The following GPR160 variants were observed in gnomAD, a reference collection of about 807,000 sequenced individuals.
GPR160 encodes G protein-coupled receptor 160.
Under a neutral mutation model 2.6 loss-of-function variants are expected in GPR160, and 2 were observed. The observed-to-expected ratio is 0.77, with a 90% confidence interval of 0.32 to 2.44. The LOEUF is 2.44. Ranked by LOEUF, GPR160 falls within the 30% of genes most tolerant of loss-of-function variation. GPR160 has a pLI of 0.11. For synonymous variants in GPR160, 130 were observed against 132.2 expected, an observed-to-expected ratio of 0.98 and a Z score of 0.12; for missense variants, 351 against 383.6, an observed-to-expected ratio of 0.91 and a Z score of 0.71.
chr3:170,074,464 T>C (rs1218815266), intron 2 of GPR160, among the ~76,000 whole-genome samples: 2 of 152,056 alleles, frequency 1.3e-5, no homozygotes, highest in Admixed American at 1.3e-4. Flanking sequence ...TTGTTGTTTT[T>C]GTTTTGATTG....
intron 2 of GPR160, among the ~76,000 whole-genome samples, chr3:170,074,216 T>A (rs1316407640): frequency 2.0e-5 from 3 of 151,938 alleles, no homozygotes; most frequent in Non-Finnish European, 4.4e-5. Context: ...TATTTAGGGA[T>A]CTTTTGGACG....
chr3:170,076,208 A>G (rs932586946), intron 2 of GPR160, among the ~76,000 whole-genome samples: 20 of 152,190 alleles, frequency 1.3e-4, no homozygotes, highest in African/African-American at 4.3e-4. Context: ...TGTAATACAC[A>G]TCTGTCACCC....
At chr3:170,075,160 G>A (rs1272550055) in intron 2 of GPR160, among the ~76,000 whole-genome samples, 1 of 152,140 alleles carries the variant, frequency 6.6e-6, no homozygotes, top group African/African-American at 2.4e-5. Flanking sequence ...CCCAAGAGGC[G>A]GAGGTTACAG....
intron 2 of GPR160, among the ~76,000 whole-genome samples, chr3:170,052,358 A>G (rs1716995695): frequency 6.6e-6 from 1 of 152,226 alleles, no homozygotes; most frequent in Non-Finnish European, 1.5e-5. Flanking sequence ...AGCGTATAGG[A>G]GTTCTCGTTA....
intron 2 of GPR160, among the ~76,000 whole-genome samples, chr3:170,071,261 G>A (rs1489556510): frequency 1.3e-5 from 2 of 152,128 alleles, no homozygotes; most frequent in Non-Finnish European, 2.9e-5. Flanking sequence ...CCTCATGAAC[G>A]GCTTGGCACC....
chr3:170,068,720 A>G (rs951048532), intron 2 of GPR160, among the ~76,000 whole-genome samples: 1 of 152,118 alleles, frequency 6.6e-6, no homozygotes, highest in Non-Finnish European at 1.5e-5. Flanking sequence ...TATGGATGCA[A>G]TATTTTCTCC....
chr3:170,069,331 C>G (rs1712483337), intron 2 of GPR160, among the ~76,000 whole-genome samples: 2 of 152,182 alleles, frequency 1.3e-5, no homozygotes, highest in Admixed American at 6.5e-5. Flanking sequence ...TTTTGAGGGT[C>G]CTGAGGTATA....
At position 170,085,133 on chromosome 3, in the gene GPR160, A is replaced by G. The variant is rs1713365726; in HGVS notation, c.*144A>G. On this transcript the variant is annotated 3_prime_UTR_variant, in exon 4 of 4. Transcript: ENST00000355897. Reference sequence around the variant, plus strand: ...TTCAGAATGTGTCTTTTGAAGGGCTATGATACCAGTTATTAAATAGTGTTT... The same window carrying G: ...TTCAGAATGTGTCTTTTGAAGGGCTGTGATACCAGTTATTAAATAGTGTTT... 2.2e-6 allele frequency: 1 copy of G among 455,282 alleles called. No homozygotes were observed. The highest frequency in any genetic ancestry group is 4.0e-6 in the Non-Finnish European group (1 of 250,114). The allele number at this position is 455,282 out of a possible 1,614,324, so 28.2% of individuals were successfully genotyped here.
chr3:170,084,911 C>A lies in GPR160; in HGVS notation c.939C>A (p.Asn313Lys). ...GATTACCTTTGGATCCATTTGTCAA[C>A]TGGAAGTGCTGCTTCATTCCACTTA... ...DIGLPLDPFV[N>K]WKCCFIPLTI... Residue 313 changes from asparagine (N) to lysine (K), a missense_variant, in exon 4 of 4, where the codon AAC becomes AAA. Asn to Lys is a moderately conservative substitution (Grantham distance 94). Transcript: ENST00000355897. The A allele has an allele frequency of 6.2e-7, 1 of 1,602,632 alleles. No individual in the cohort carries two copies. Among genetic ancestry groups the A allele is most frequent in the Non-Finnish European group, 8.5e-7 (1 of 1,170,682 alleles).
At chr3:170,083,207 T>C (rs1238487097) in intron 3 of GPR160, among the ~76,000 whole-genome samples, 1 of 152,090 alleles carries the variant, frequency 6.6e-6, no homozygotes, top group Non-Finnish European at 1.5e-5. Context: ...CCTATTCCTT[T>C]GCCTTTACCT....
At chr3:170,044,044 G>A (rs1322143575) in intron 2 of GPR160, among the ~76,000 whole-genome samples, 1 of 151,614 alleles carries the variant, frequency 6.6e-6, no homozygotes, top group Non-Finnish European at 1.5e-5. Context: ...AATATAGGTT[G>A]AGAGGCTCTT....
At chr3:170,069,137 T>A (rs1047967614) in intron 2 of GPR160, among the ~76,000 whole-genome samples, 2 of 152,268 alleles carry the variant, frequency 1.3e-5, no homozygotes, top group Non-Finnish European at 2.9e-5. Flanking sequence ...AAGATTGTTT[T>A]ATCTTCCCCA....
chr3:170,073,441 G>A (rs568764850), intron 2 of GPR160, among the ~76,000 whole-genome samples: 96 of 152,194 alleles, frequency 6.3e-4, no homozygotes, highest in Non-Finnish European at 9.7e-4. Flanking sequence ...TTTTCATAGA[G>A]ACTTCTTATC....
chr3:170,039,023 A>G lies in GPR160; in HGVS notation c.-213A>G, dbSNP rs1716329428. The G allele has an allele frequency of 1.3e-5, 2 of 152,074 alleles. No homozygotes were observed. The highest frequency in any genetic ancestry group is 1.3e-4 in the Admixed American group (2 of 15,274). 9.4% of individuals were successfully genotyped at this position (152,074 alleles called of 1,614,324 possible). A position where few individuals can be genotyped will look rare whatever the true frequency, so the allele number is the denominator to read the frequency against. ...GAAGGAACCGCTCTCGCTTCGTCCT[A>G]CACTTGCGCAAATGTCTCCGGTAAG... On this transcript the variant is annotated 5_prime_UTR_variant, in exon 2 of 4. Transcript: ENST00000355897.
chr3:170,062,993 G>T lies in GPR160; in HGVS notation c.-192-16781G>T, dbSNP rs561617484. The T allele has an allele frequency of 2.2e-3, 506 of 229,248 alleles. 1 individual carries two copies. The highest frequency in any genetic ancestry group is 1.0e-2 in the African/African-American group (433 of 43,464). 14.2% of individuals were successfully genotyped at this position (229,248 alleles called of 1,614,324 possible). On this transcript the variant is annotated intron_variant, in intron 2 of 3. Transcript: ENST00000355897. ...TGGTGGATCTCCGTGGATCTCCACA[G>T]TAAGCCGAGATCGCGCCACCGCACT... is the stretch of plus-strand genomic sequence containing the variant.
At chr3:170,082,147 G>A (rs1309088837) in intron 3 of GPR160, among the ~76,000 whole-genome samples, 1 of 152,098 alleles carries the variant, frequency 6.6e-6, no homozygotes, top group Non-Finnish European at 1.5e-5. Flanking sequence ...TACTACTACT[G>A]TATTGGTAAC....
At position 170,071,621 on chromosome 3, in the gene GPR160, G is replaced by A. The variant is rs146286534; in HGVS notation, c.-192-8153G>A. Reference sequence around the variant, plus strand: ...CAGCTAGCCAACATGGCAAAACCCCGTCTCTACTAAAAATACAAAAAAAAA... The same window carrying A: ...CAGCTAGCCAACATGGCAAAACCCCATCTCTACTAAAAATACAAAAAAAAA... On this transcript the variant is annotated intron_variant, in intron 2 of 3. Transcript: ENST00000355897. 4.5e-3 allele frequency among the ~76,000 whole-genome samples: 671 copies of A among 147,810 alleles called. 4 individuals carry two copies. The highest frequency in any genetic ancestry group is 0.016 in the African/African-American group (645 of 40,938).
Position 170,085,351 on chromosome 3 carries a change from T to TTTA in GPR160, c.*362_*363insTTA, listed in dbSNP as rs1329323932. The stretch of plus-strand genomic sequence containing the variant: ...TGAGATTTCACTGACAACTTTAAGA[T>TTTA]ATCAACCTAAACATTTTTATTAAAT... On this transcript the variant is annotated 3_prime_UTR_variant, in exon 4 of 4. Transcript: ENST00000355897. 5.8e-6 allele frequency: 1 copy of TTTA among 172,284 alleles called. No individual in the cohort carries two copies. The highest frequency in any genetic ancestry group is 2.4e-5 in the African/African-American group (1 of 41,680). 10.7% of individuals were successfully genotyped at this position (172,284 alleles called of 1,614,324 possible).
At chr3:170,064,706 G>C (rs1453614093) in intron 2 of GPR160, among the ~76,000 whole-genome samples, 1 of 151,846 alleles carries the variant, frequency 6.6e-6, no homozygotes, top group African/African-American at 2.4e-5. Flanking sequence ...TTTTAGTAGA[G>C]ACGGGGTTTC....
Sources: gnomAD v4.1 joint callset for allele counts (sites outside exome capture counted in the v4.1 genomes callset) on GRCh38, gnomAD v4.1.1 for gene constraint, MANE v1.5 for transcripts, NCBI Gene and HGNC (gene_info 2026-07-23, HGNC 2026-07-21) for gene names.